The following USF3 variants were observed in gnomAD, a reference collection of about 807,000 sequenced individuals.
USF3 encodes upstream transcription factor family member 3.
USF3 carries 29 observed loss-of-function variants against 157.5 expected under a neutral mutation model. That is an observed-to-expected ratio of 0.18 (90% CI 0.14 to 0.25). The LOEUF is 0.25. Among genes scored for constraint, USF3 ranks in the 10% least tolerant of loss-of-function variants. USF3 has a pLI of 1.00. For synonymous variants in USF3, 893 were observed against 941.4 expected, an observed-to-expected ratio of 0.95 and a Z score of 0.94; for missense variants, 2,381 against 2,667.6, an observed-to-expected ratio of 0.89 and a Z score of 2.37.
At chr3:113,691,347 A>C (rs1421134775) in intron 1 of USF3, among the ~76,000 whole-genome samples, 1 of 151,808 alleles carries the variant, frequency 6.6e-6, no homozygotes, top group African/African-American at 2.4e-5. Flanking sequence ...CCTCTTCCTC[A>C]CTTCTTATTC....
Position 113,661,018 on chromosome 3 carries a change from G to C in USF3, c.664C>G (p.Pro222Ala), listed in dbSNP as rs9866806. The C allele has an allele frequency of 0.31, 499,865 of 1,613,670 alleles. 81,285 individuals carry two copies. Among genetic ancestry groups the C allele is most frequent in the Non-Finnish European group, 0.34 (397,607 of 1,179,746 alleles). Reference sequence around the variant, plus strand: ...GCAGCAGGAAGACAAAGAGGAACAGGCTGGTTGGTAGCCAATGCAGGAACT... The same window carrying C: ...GCAGCAGGAAGACAAAGAGGAACAGCCTGGTTGGTAGCCAATGCAGGAACT... ...TTVPALATNQ[P>A]VPLCLPAAIS... The change falls in exon 7 of 7, where the codon CCT becomes GCT. Residue 222 changes from proline (P) to alanine (A), a missense_variant. Pro to Ala is a conservative substitution (Grantham distance 27). This residue lies in a region of USF3 where 1,435 missense variants were observed against 1,550.9 expected (regional missense o/e 0.93). Transcript: ENST00000316407.
At position 113,651,137 on chromosome 3, in the gene USF3, G is replaced by T. The variant is rs1213497007; in HGVS notation, c.*3807C>A. 6.6e-6 allele frequency: 1 copy of T among 152,132 alleles called. No individual in the cohort carries two copies. Among genetic ancestry groups the T allele is most frequent in the Non-Finnish European group, 1.5e-5 (1 of 68,018 alleles). 9.4% of individuals were successfully genotyped at this position (152,132 alleles called of 1,614,324 possible). A position where few individuals can be genotyped will look rare whatever the true frequency, so the allele number is the denominator to read the frequency against. On this transcript the variant is annotated 3_prime_UTR_variant, in exon 7 of 7. Transcript: ENST00000316407. ...TCATTAGAAGTTATTGTTAAATGTTGAAAGGAATCAACCACTTTTTATAAC... is the reference window on the plus strand; with the variant it reads ...TCATTAGAAGTTATTGTTAAATGTTTAAAGGAATCAACCACTTTTTATAAC...
In USF3 at chr3:113,657,006, T is replaced by C. The variant is rs751373559; in HGVS notation, c.4676A>G (p.His1559Arg). 6.2e-7 allele frequency: 1 copy of C among 1,614,134 alleles called. No homozygotes were observed. The highest frequency in any genetic ancestry group is 1.7e-5 in the Admixed American group (1 of 60,006). ...RSKTGQPHPH[H>R]QQMQQQMQQH... Reference sequence around the variant, plus strand: ...CTGCATTTGTTGCTGCATCTGCTGATGGTGGGGATGTGGCTGGCCAGTCTT... The same window carrying C: ...CTGCATTTGTTGCTGCATCTGCTGACGGTGGGGATGTGGCTGGCCAGTCTT... Residue 1559 changes from histidine (H) to arginine (R), a missense_variant, in exon 7 of 7, where the codon CAT (histidine) becomes CGT (arginine). His to Arg is a conservative substitution (Grantham distance 29). Around this residue, in one of 6 missense-constraint regions of USF3, gnomAD observed 770 missense variants for 824.2 expected, o/e 0.93. Transcript: ENST00000316407.
chr3:113,683,107 TGC>T (rs1440438906), intron 1 of USF3, among the ~76,000 whole-genome samples: 1 of 152,030 alleles, frequency 6.6e-6, no homozygotes, highest in Non-Finnish European at 1.5e-5. Flanking sequence ...TTATACATGT[TGC>T]GTATTTATTG....
At chr3:113,693,538 G>T (rs1707734865) in intron 1 of USF3, among the ~76,000 whole-genome samples, 1 of 152,190 alleles carries the variant, frequency 6.6e-6, no homozygotes, top group African/African-American at 2.4e-5. Context: ...TACCTAAGAT[G>T]AAATCAAACC....
intron 1 of USF3, among the ~76,000 whole-genome samples, chr3:113,688,181 C>T (rs1025786479): frequency 4.0e-5 from 6 of 151,844 alleles, no homozygotes; most frequent in African/African-American, 7.3e-5. Flanking sequence ...TGCAATGGCA[C>T]GATCTTGGCT....
intron 1 of USF3, among the ~76,000 whole-genome samples, chr3:113,687,583 A>C (rs776809465): frequency 6.6e-6 from 1 of 152,192 alleles, no homozygotes; most frequent in Non-Finnish European, 1.5e-5. Context: ...TTATACTTAC[A>C]TCTCTGATTC....
chr3:113,675,388 C>T (rs1445274444), intron 2 of USF3, among the ~76,000 whole-genome samples: 2 of 152,138 alleles, frequency 1.3e-5, no homozygotes, highest in African/African-American at 4.8e-5. Flanking sequence ...TTCATTCACT[C>T]ACTCATTTGT....
chr3:113,690,730 C>A (rs1476696826), intron 1 of USF3, among the ~76,000 whole-genome samples: 1 of 152,136 alleles, frequency 6.6e-6, no homozygotes, highest in African/African-American at 2.4e-5. Flanking sequence ...GCAAGTCTAT[C>A]CTCCTATATA....
At chr3:113,684,493 T>C (rs1707504199) in intron 1 of USF3, among the ~76,000 whole-genome samples, 1 of 152,198 alleles carries the variant, frequency 6.6e-6, no homozygotes, top group Non-Finnish European at 1.5e-5. Context: ...AACTCTTAGA[T>C]TTCCCCTTTT....
rs1246756743 is a variant in USF3, at chr3:113,653,889, C to A, written c.*1055G>T. On this transcript the variant is annotated 3_prime_UTR_variant, in exon 7 of 7. Transcript: ENST00000316407. Reference sequence around the variant, plus strand: ...AAGGATAATAATGAAATATACAATGCCATATTTAAAATATAAATGCTATCA... The same window carrying A: ...AAGGATAATAATGAAATATACAATGACATATTTAAAATATAAATGCTATCA... The A allele has an allele frequency of 1.3e-5, 2 of 152,022 alleles. No individual in the cohort carries two copies. The highest frequency in any genetic ancestry group is 4.8e-5 in the African/African-American group (2 of 41,376). 9.4% of individuals were successfully genotyped at this position (152,022 alleles called of 1,614,324 possible).
intron 1 of USF3, among the ~76,000 whole-genome samples, chr3:113,689,637 G>A (rs1707641539): frequency 6.6e-6 from 1 of 152,142 alleles, no homozygotes; most frequent in Admixed American, 6.5e-5. Context: ...CTGCCTACAA[G>A]TCTATTTCTC....
At chr3:113,681,574 G>GT (rs1233144432) in intron 1 of USF3, among the ~76,000 whole-genome samples, 4 of 68,440 alleles carry the variant, frequency 5.8e-5, no homozygotes, top group Admixed American at 1.6e-4. Flanking sequence ...TTTTTTTTTT[G>GT]TATTTTTAGT....
chr3:113,656,151 C>T lies in USF3; in HGVS notation c.5531G>A (p.Arg1844Lys), dbSNP rs765294733. 6 of 1,613,994 alleles carry T rather than the reference C, an allele frequency of 3.7e-6. No homozygotes were observed. The East Asian group carries it at 8.9e-5, about 24-fold the overall frequency. ...AGAGGATGGACCACACTGTGTATTC[C>T]TCTGATGTTCTGAGAGTGACCTCTG... The part of the protein sequence containing the change: ...GSQRSLSEHQ[R>K]NTQCGPSSAI... The change falls in exon 7 of 7, where the codon AGG becomes AAG. Residue 1844 changes from arginine (R) to lysine (K), a missense_variant. Physicochemically the swap from Arg to Lys is conservative, Grantham distance 26 (BLOSUM62 2). This residue lies in a region of USF3 where 770 missense variants were observed against 824.2 expected (regional missense o/e 0.93). Transcript: ENST00000316407.
intron 1 of USF3, among the ~76,000 whole-genome samples, chr3:113,694,665 TACACTA>T (rs1226559627): frequency 2.0e-5 from 3 of 152,212 alleles, no homozygotes; most frequent in African/African-American, 4.8e-5. Context: ...ACCCATCAAA[TACACTA>T]ACACTAACGA....
rs773180527 is a variant in USF3, at chr3:113,656,787, G to A, written c.4895C>T (p.Thr1632Ile). Residue 1632 changes from threonine to isoleucine, a missense_variant, in exon 7 of 7, where the codon ACA (threonine) becomes ATA (isoleucine). By Grantham distance (89) the Thr-to-Ile change is moderately conservative. Coordinates refer to ENST00000316407, the MANE Select transcript of USF3 (RefSeq NM_001009899.4). ...SGHNPMQRLL[T>I]SRGLEQQMVS... is the part of the protein sequence containing the mutation. ...CATTTGCTGCTCTAAGCCTCTTGAT[G>A]TCAAAAGCCTCTGCATTGGATTATG... is the stretch of plus-strand genomic sequence containing the variant. 6.2e-7 allele frequency: 1 copy of A among 1,614,180 alleles called. No homozygotes were observed. The highest frequency in any genetic ancestry group is 1.1e-5 in the South Asian group (1 of 91,088).
At position 113,658,258 on chromosome 3, in the gene USF3, C is replaced by G; in HGVS notation, c.3424G>C (p.Asp1142His). ...CTCCCCTTCTCAAGGTTCTCCTGGT[C>G]AAAAATAGCTCTTGCTGCAAGAGCT... ...IVALAARAIF[D>H]QENLEKGRVG... Residue 1142 changes from aspartate (D) to histidine (H), a missense_variant, in exon 7 of 7, where the codon GAC (aspartate) becomes CAC (histidine). This residue lies in a region of USF3 where 1,435 missense variants were observed against 1,550.9 expected (regional missense o/e 0.93). Coordinates refer to ENST00000316407, the MANE Select transcript of USF3 (RefSeq NM_001009899.4). 6.2e-7 allele frequency: 1 copy of G among 1,614,024 alleles called. No homozygotes were observed. Among genetic ancestry groups the G allele is most frequent in the Non-Finnish European group, 8.5e-7 (1 of 1,179,980 alleles).
rs1947396988 is a variant in USF3, at chr3:113,657,890, T to C, written c.3792A>G (p.Ser1264=). The C allele has an allele frequency of 2.5e-6, 4 of 1,614,210 alleles. No homozygotes were observed. Among genetic ancestry groups the C allele is most frequent in the Non-Finnish European group, 3.4e-6 (4 of 1,180,038 alleles). Residue 1264 remains serine (S), a synonymous_variant, in exon 7 of 7, where the codon TCA becomes TCG. Transcript: ENST00000316407. Reference sequence around the variant, plus strand: ...CCGTTGCAGGCACAGTTGTTTGCTCTGAAGTTGGGGATAAACCCGCACAGC... The same window carrying C: ...CCGTTGCAGGCACAGTTGTTTGCTCCGAAGTTGGGGATAAACCCGCACAGC... ...LASCAGLSPT[S]EQTTVPATVN...
At position 113,658,390 on chromosome 3, in the gene USF3, AACT is replaced by A. The variant is rs1947407828; in HGVS notation, c.3289_3291del (p.Ser1097del). ...TCAGGAAGCATGGATGCAACTGAGA[AACT>A]ACGACTACTGCCAGAGCTGGTTGAC... On this transcript the variant is annotated inframe_deletion, in exon 7 of 7. Transcript: ENST00000316407. 6.2e-7 allele frequency: 1 copy of A among 1,614,156 alleles called. No individual in the cohort carries two copies.
Sources: gnomAD v4.1 joint callset for allele counts (sites outside exome capture counted in the v4.1 genomes callset) on GRCh38, gnomAD v4.1.1 for gene constraint, gnomAD v4.1.1 regional missense constraint, MANE v1.5 for transcripts, NCBI Gene and HGNC (gene_info 2026-07-23, HGNC 2026-07-21) for gene names.